KMO: variants seen among roughly 807,000 people sequenced by gnomAD.
KMO encodes the protein kynurenine 3-monooxygenase.
In KMO, 24 loss-of-function variants were observed where a neutral mutation model predicts 57.8. The observed-to-expected ratio is 0.42, with a 90% CI of 0.30 to 0.58. The LOEUF is 0.58. KMO is among the 20% of genes least tolerant of loss of function. KMO has a pLI of 0.22. For missense variants in KMO, 483 were observed against 588.2 expected (o/e 0.82, Z 1.85); for synonymous variants, 210 against 193.6 (o/e 1.08, Z -0.70).
intron 4 of KMO, among the ~76,000 whole-genome samples, chr1:241,551,897 G>A (rs1661404725): frequency 6.6e-6 from 1 of 152,136 alleles, no homozygotes; most frequent in Admixed American, 6.6e-5. Context: ...GGGTGGAGGC[G>A]GAGGTTCTAC....
At chr1:241,549,996 A>G (rs1253588482) in intron 3 of KMO, 1 of 490,970 alleles carries the variant, frequency 2.0e-6, no homozygotes, top group Non-Finnish European at 3.6e-6. Context: ...TGCTTCTGAT[A>G]TTGGGTTCTC....
In KMO at chr1:241,594,289, A is replaced by G. The variant is rs1663426665; in HGVS notation, c.*2136A>G. 2.2e-6 allele frequency: 2 copies of G among 909,592 alleles called. No individual in the cohort carries two copies. Among genetic ancestry groups the G allele is most frequent in the South Asian group, 1.7e-5 (1 of 58,682 alleles). The allele number at this position is 909,592 out of a possible 1,614,324, so 56.3% of individuals were successfully genotyped here. A position where few individuals can be genotyped will look rare whatever the true frequency, so the allele number is the denominator to read the frequency against. On this transcript the variant is annotated 3_prime_UTR_variant, in exon 15 of 15. Transcript: ENST00000366559. The stretch of plus-strand genomic sequence containing the variant: ...ACCTCTTCCTGAGGCCCAAGAGCAT[A>G]TGGGCAATTCGGATTTCCTGCTGGA...
At chr1:241,568,430 A>G (rs1662159566) in intron 9 of KMO, 70 bp from the exon 10 acceptor site, 1 of 1,445,512 alleles carries the variant, frequency 6.9e-7, no homozygotes, top group African/African-American at 1.4e-5. Flanking sequence ...AATTTAGTAA[A>G]CCTGAAAGAA....
At chr1:241,537,330 G>A (rs1317713504) in intron 1 of KMO, among the ~76,000 whole-genome samples, 1 of 152,132 alleles carries the variant, frequency 6.6e-6, no homozygotes, top group African/African-American at 2.4e-5. Context: ...CGTCCTCAGT[G>A]CATATGAACC....
chr1:241,567,070 A>G (rs1289423282), intron 9 of KMO, among the ~76,000 whole-genome samples: 1 of 152,230 alleles, frequency 6.6e-6, no homozygotes, highest in Non-Finnish European at 1.5e-5. Context: ...AAGGGTTGTC[A>G]TGAGGACTAA....
chr1:241,563,168 T>C (rs1661942809), intron 7 of KMO, among the ~76,000 whole-genome samples: 1 of 152,172 alleles, frequency 6.6e-6, no homozygotes, highest in Non-Finnish European at 1.5e-5. Context: ...TTCTATTGTG[T>C]TTTTCTCATT....
rs990739353 is a variant in KMO, at chr1:241,581,000, T to G, written c.958-5679T>G. ...TCTAATAATATTTGCTTTCTATATCTGGGTGCTCCTGTGTTGGATGCATAG... is the reference window on the plus strand; with the variant it reads ...TCTAATAATATTTGCTTTCTATATCGGGGTGCTCCTGTGTTGGATGCATAG... On this transcript the variant is annotated intron_variant, in intron 10 of 14. Coordinates refer to ENST00000366559, the MANE Select transcript of KMO (RefSeq NM_003679.5). Among the ~76,000 whole-genome samples the G allele has an allele frequency of 1.8e-4, 27 of 152,158 alleles. 1 individual carries two copies. Among genetic ancestry groups the G allele is most frequent in the Non-Finnish European group, 3.4e-4 (23 of 67,996 alleles).
intron 6 of KMO, 65 bp from the exon 7 acceptor site, chr1:241,562,102 G>C (rs985691618): frequency 1.4e-6 from 2 of 1,398,906 alleles, no homozygotes; most frequent in African/African-American, 2.8e-5. Flanking sequence ...CTCATACCCA[G>C]AGGTACATCA....
At chr1:241,580,739 A>T (rs1349253692) in intron 10 of KMO, among the ~76,000 whole-genome samples, 1 of 152,036 alleles carries the variant, frequency 6.6e-6, no homozygotes. Flanking sequence ...ATTTTTAAAA[A>T]TTTTTTGAGA....
intron 2 of KMO, among the ~76,000 whole-genome samples, chr1:241,549,101 G>A (rs759584013): frequency 1.4e-4 from 21 of 151,466 alleles, no homozygotes; most frequent in Admixed American, 1.3e-4. Flanking sequence ...CCCAGGAGGC[G>A]GAGGTTGCAG....
chr1:241,548,206 GA>G (rs1258137262), intron 1 of KMO, among the ~76,000 whole-genome samples: 1 of 152,110 alleles, frequency 6.6e-6, no homozygotes, highest in Admixed American at 6.5e-5. Flanking sequence ...CAAGGTGGGA[GA>G]ATCACTTGAG....
chr1:241,566,796 C>T (rs1249203477), intron 9 of KMO, among the ~76,000 whole-genome samples, 184 bp downstream of exon 9: 3 of 152,116 alleles, frequency 2.0e-5, no homozygotes, highest in East Asian at 1.9e-4. Flanking sequence ...TGAAAAACAC[C>T]CTTGACGTGG....
In KMO at chr1:241,592,040, T is replaced by C; in HGVS notation, c.1348T>C (p.Phe450Leu). 1 of 1,613,972 alleles carries C rather than the reference T, an allele frequency of 6.2e-7. No individual in the cohort carries two copies. Among genetic ancestry groups the C allele is most frequent in the Non-Finnish European group, 8.5e-7 (1 of 1,179,932 alleles). Residue 450 changes from phenylalanine to leucine, a missense_variant, in exon 15 of 15, where the codon TTC becomes CTC. Transcript: ENST00000366559. Reference sequence around the variant, plus strand: ...TATACACTACATGTCACCACGATCTTTCCTCCGCTTGAGAAGACCATGGAA... The same window carrying C: ...TATACACTACATGTCACCACGATCTCTCCTCCGCTTGAGAAGACCATGGAA... ...LLIHYMSPRS[F>L]LRLRRPWNWI...
intron 1 of KMO, among the ~76,000 whole-genome samples, chr1:241,538,359 A>G (rs531481714): frequency 6.6e-6 from 1 of 152,316 alleles, no homozygotes; most frequent in Admixed American, 6.5e-5. Context: ...CAAGGTAGAA[A>G]GAGGGTTGGT....
Position 241,565,008 on chromosome 1 carries a change from C to T in KMO, c.637C>T (p.Leu213=). The change falls in exon 8 of 15, where the codon CTG becomes TTG. Residue 213 remains leucine, a synonymous_variant. Coordinates refer to ENST00000366559, the MANE Select transcript of KMO (RefSeq NM_003679.5). ...NGDYAMEPNY[L]HIWPRNTFMM... is the part of the protein sequence containing the mutation. ...GCAGTATGCCATGGAACCTAATTAT[C>T]TGCATATTTGGCCTAGAAATACCTT... 6.2e-7 allele frequency: 1 copy of T among 1,607,012 alleles called. No homozygotes were observed. The highest frequency in any genetic ancestry group is 8.5e-7 in the Non-Finnish European group (1 of 1,173,878).
chr1:241,586,240 C>T (rs1221451602), intron 10 of KMO, among the ~76,000 whole-genome samples: 1 of 141,880 alleles, frequency 7.0e-6, no homozygotes, highest in Non-Finnish European at 1.5e-5. Flanking sequence ...GCTCTGTCAC[C>T]CAGGCTGGAG....
Position 241,566,594 on chromosome 1 carries a change from C to T in KMO, c.791C>T (p.Ala264Val), listed in dbSNP as rs974240449. 6 of 1,613,514 alleles carry T rather than the reference C, an allele frequency of 3.7e-6. No individual in the cohort carries two copies. The highest frequency in any genetic ancestry group is 5.1e-6 in the Non-Finnish European group (6 of 1,179,672). Residue 264 changes from alanine to valine, a missense_variant, in exon 9 of 15, where the codon GCC (alanine) becomes GTC (valine). Around this residue, in one of 3 missense-constraint regions of KMO, gnomAD observed 410 missense variants for 492.3 expected, o/e 0.83. Coordinates refer to ENST00000366559, the MANE Select transcript of KMO (RefSeq NM_003679.5). ...VDFFQKYFPD[A>V]IPLIGEKLLV... ...TTCTTCCAGAAATACTTTCCGGATG[C>T]CATCCCTCTAATTGGAGAGTAAGTT...
intron 10 of KMO, among the ~76,000 whole-genome samples, chr1:241,572,494 A>G (rs1662340054): frequency 6.6e-6 from 1 of 151,582 alleles, no homozygotes; most frequent in Non-Finnish European, 1.5e-5. Flanking sequence ...AGGTTTGTTG[A>G]TTTTGTTTAT....
intron 10 of KMO, among the ~76,000 whole-genome samples, chr1:241,578,792 G>A (rs1662634053): frequency 6.6e-6 from 1 of 152,124 alleles, no homozygotes; most frequent in African/African-American, 2.4e-5. Flanking sequence ...ACCCAAGATT[G>A]GGTAATTTAT....
Sources: gnomAD v4.1 joint callset for allele counts (sites outside exome capture counted in the v4.1 genomes callset) on GRCh38, gnomAD v4.1.1 for gene constraint, gnomAD v4.1.1 regional missense constraint, MANE v1.5 for transcripts, NCBI Gene and HGNC (gene_info 2026-07-23, HGNC 2026-07-21) for gene names.